CSE1L: variants seen among roughly 807,000 people sequenced by gnomAD.
The protein encoded by CSE1L is exportin-2.
CSE1L carries 24 observed loss-of-function variants against 120.4 expected under a neutral mutation model. The ratio of observed to expected loss-of-function variants is 0.20; its 90% confidence interval spans 0.14 to 0.28. CSE1L has a LOEUF of 0.28. Ranked by LOEUF, CSE1L falls within the 10% of genes least tolerant of loss-of-function variation. CSE1L has a pLI of 1.00. For missense variants in CSE1L, 830 were observed against 1,145.2 expected, an observed-to-expected ratio of 0.72 and a Z score of 3.97; for synonymous variants, 402 against 398.3, an observed-to-expected ratio of 1.01 and a Z score of -0.11.
chr20:49,076,520 C>CTCTT (rs2091969662), intron 12 of CSE1L, among the ~76,000 whole-genome samples: 2 of 79,578 alleles, frequency 2.5e-5, no homozygotes, highest in African/African-American at 1.1e-4. Flanking sequence ...CCCTCTCTCT[C>CTCTT]TTTTTTTTTT....
chr20:49,094,701 C>A lies in CSE1L; in HGVS notation c.2595-31C>A, dbSNP rs1439945907. Reference sequence around the variant, plus strand: ...TTAAGTCTTCCGAGTATTTTCTTGACCTTTTTATCTCTTGCTTTCTTCCAA... The same window carrying A: ...TTAAGTCTTCCGAGTATTTTCTTGAACTTTTTATCTCTTGCTTTCTTCCAA... On this transcript the variant is annotated intron_variant, in intron 23 of 24. Coordinates refer to ENST00000262982, the MANE Select transcript of CSE1L (RefSeq NM_001316.4). The A allele has an allele frequency of 3.4e-6, 5 of 1,486,726 alleles. No individual in the cohort carries two copies. The Admixed American group carries it at 8.4e-5, about 25-fold the overall frequency. 92.1% of individuals were successfully genotyped at this position (1,486,726 alleles called of 1,614,324 possible).
chr20:49,058,189 CT>C (rs1422625598), intron 1 of CSE1L, among the ~76,000 whole-genome samples: 4 of 151,820 alleles, frequency 2.6e-5, no homozygotes, highest in African/African-American at 4.8e-5. Context: ...AGTCCTTCAG[CT>C]TTTTTTTCTA....
chr20:49,083,100 CT>C (rs2092026817), intron 14 of CSE1L, among the ~76,000 whole-genome samples: 1 of 151,892 alleles, frequency 6.6e-6, no homozygotes, highest in African/African-American at 2.4e-5. Context: ...TCTCAGCTCA[CT>C]GCAACCTCCG....
rs1441068291 is a variant in CSE1L at position 49,089,666 on chromosome 20, A to G, written c.2101A>G (p.Ile701Val). 6.2e-7 allele frequency: 1 copy of G among 1,614,202 alleles called. No homozygotes were observed. The highest frequency in any genetic ancestry group is 8.5e-7 in the Non-Finnish European group (1 of 1,180,002). ...AGTGCTTTGGGAAAGAACAGGAAAT[A>G]TTCCTGCTCTAGTGAGGCTTCTTCA... ...QPVLWERTGNIPALVRLLQAF... is the reference protein window; with the variant it reads ...QPVLWERTGNVPALVRLLQAF... Residue 701 changes from isoleucine to valine, a missense_variant, in exon 19 of 25, where the codon ATT (isoleucine) becomes GTT (valine). This residue lies in a region of CSE1L where 168 missense variants were observed against 267.9 expected (regional missense o/e 0.63). Transcript: ENST00000262982.
At chr20:49,074,659 G>T in intron 10 of CSE1L, 126 bp from the exon 11 acceptor site, 2 of 623,250 alleles carry the variant, frequency 3.2e-6, no homozygotes, top group Non-Finnish European at 2.7e-6. Context: ...ATATGAAGTA[G>T]TCATCTGATG....
At chr20:49,069,753 G>A (rs1983528) in intron 7 of CSE1L, among the ~76,000 whole-genome samples, 32,990 of 152,100 alleles carry the variant, frequency 0.22, 3,715 homozygotes, top group Non-Finnish European at 0.24. Context: ...CAAGGAAAGA[G>A]GCATAATCTA....
intron 5 of CSE1L, 43 bp from the exon 6 acceptor site, chr20:49,067,147 A>T (rs201064271): frequency 9.8e-6 from 13 of 1,321,588 alleles, no homozygotes; most frequent in Admixed American, 1.8e-5. Context: ...GTGAGTAAAT[A>T]AAAAAAACTT....
At chr20:49,057,014 G>A (rs188971841) in intron 1 of CSE1L, among the ~76,000 whole-genome samples, 13 of 152,156 alleles carry the variant, frequency 8.5e-5, no homozygotes, top group East Asian at 1.9e-4. Context: ...TTAAATCGAC[G>A]TAGGCCATTT....
intron 2 of CSE1L, 122 bp from the exon 3 acceptor site, chr20:49,063,080 G>A (rs1006292392): frequency 1.2e-5 from 5 of 418,172 alleles, no homozygotes; most frequent in Non-Finnish European, 1.9e-5. Context: ...GTGAGGCCCT[G>A]TAGACCCACA....
rs1169151375 is a variant in CSE1L at position 49,065,586 on chromosome 20, ATT to A, written c.229-581_229-580del. 2.1e-4 allele frequency among the ~76,000 whole-genome samples: 16 copies of A among 76,316 alleles called. 1 individual carries two copies. Among genetic ancestry groups the A allele is most frequent in the South Asian group, 5.1e-4 (1 of 1,972 alleles). 50.1% of individuals were successfully genotyped at this position (76,316 alleles called of 152,430 possible). A position where few individuals can be genotyped will look rare whatever the true frequency, so the allele number is the denominator to read the frequency against. The stretch of plus-strand genomic sequence containing the variant: ...CCATCGCACCTGGCCTAAAATGGAA[ATT>A]TTTTTTTTTTTTTTTTTTTTTTTTG... On this transcript the variant is annotated intron_variant, in intron 3 of 24. Transcript: ENST00000262982.
chr20:49,061,563 C>T (rs11906713), intron 2 of CSE1L, among the ~76,000 whole-genome samples: 24,109 of 150,006 alleles, frequency 0.16, 2,468 homozygotes, highest in Non-Finnish European at 0.24. Context: ...AGTGCAGTGG[C>T]GCCATCTTGG....
chr20:49,072,592 C>G lies in CSE1L; in HGVS notation c.961C>G (p.Leu321Val). The G allele has an allele frequency of 6.2e-7, 1 of 1,611,098 alleles. No individual in the cohort carries two copies. The highest frequency in any genetic ancestry group is 1.7e-5 in the Admixed American group (1 of 59,202). Residue 321 changes from leucine to valine, a missense_variant, in exon 10 of 25, where the codon CTG (leucine) becomes GTG (valine). Around this residue, in one of 4 missense-constraint regions of CSE1L, gnomAD observed 543 missense variants for 640.2 expected, o/e 0.85. Coordinates refer to ENST00000262982, the MANE Select transcript of CSE1L (RefSeq NM_001316.4). ...DLLVSNAIQF[L>V]ASVCERPHYK... Reference sequence around the variant, plus strand: ...GTTGGTAAGTAATGCAATTCAATTTCTGGCTTCAGTTTGTGAGAGACCTCA... The same window carrying G: ...GTTGGTAAGTAATGCAATTCAATTTGTGGCTTCAGTTTGTGAGAGACCTCA...
At chr20:49,068,071 G>A (rs766464778) in intron 6 of CSE1L, among the ~76,000 whole-genome samples, 16 of 151,036 alleles carry the variant, frequency 1.1e-4, no homozygotes, top group Non-Finnish European at 2.1e-4. Flanking sequence ...CCTGTTAATC[G>A]CATTTAGAAT....
intron 17 of CSE1L, 131 bp from the exon 18 acceptor site, chr20:49,089,116 A>T (rs1271632543): frequency 1.7e-5 from 13 of 752,820 alleles, no homozygotes; most frequent in Admixed American, 3.7e-5. Flanking sequence ...ATGAACAAGC[A>T]CTAGGGTATA....
At chr20:49,054,189 G>A (rs1199461281) in intron 1 of CSE1L, among the ~76,000 whole-genome samples, 1 of 152,162 alleles carries the variant, frequency 6.6e-6, no homozygotes, top group Non-Finnish European at 1.5e-5. Context: ...GTAGGTGGTG[G>A]GATCTACTCA....
intron 10 of CSE1L, among the ~76,000 whole-genome samples, chr20:49,073,102 C>G (rs1424207786): frequency 2.6e-5 from 4 of 152,034 alleles, no homozygotes; most frequent in African/African-American, 9.7e-5. Context: ...ACCTTAGCCT[C>G]CCAGGCTCAA....
At chr20:49,055,154 A>G (rs1218955688) in intron 1 of CSE1L, among the ~76,000 whole-genome samples, 1 of 152,220 alleles carries the variant, frequency 6.6e-6, no homozygotes, top group African/African-American at 2.4e-5. Flanking sequence ...AAACGTATTG[A>G]TATTTCTTTA....
chr20:49,072,532 T>A, intron 9 of CSE1L, 36 bp from the exon 10 acceptor site: 1 of 1,602,814 alleles, frequency 6.2e-7, no homozygotes, highest in Non-Finnish European at 8.5e-7. Flanking sequence ...TGAGTTTTGC[T>A]TTTAAAAATA....
chr20:49,076,524 T>C (rs1568777602), intron 12 of CSE1L, among the ~76,000 whole-genome samples: 1 of 124,916 alleles, frequency 8.0e-6, no homozygotes, highest in East Asian at 2.5e-4. Flanking sequence ...CTCTCTCTTT[T>C]TTTTTTTTTT....
Sources: allele counts gnomAD v4.1 joint callset (sites outside exome capture counted in the v4.1 genomes callset), GRCh38; gene constraint gnomAD v4.1.1; regional missense constraint gnomAD v4.1.1; transcripts MANE v1.5; gene names NCBI Gene and HGNC (gene_info 2026-07-23, HGNC 2026-07-21).